The following C14orf132 variants were observed in gnomAD, a reference collection of about 807,000 sequenced individuals.
The protein encoded by C14orf132 is uncharacterized protein C14orf132.
Under a neutral mutation model 5.8 loss-of-function variants are expected in C14orf132, and 6 were observed. The observed-to-expected ratio is 1.03, with a 90% CI of 0.57 to 2.04. The LOEUF is 2.04. Ranked by LOEUF, C14orf132 falls within the 30% of genes most tolerant of loss-of-function variation. The pLI, the probability that C14orf132 is intolerant of heterozygous loss-of-function variation, is 0.00. For synonymous variants in C14orf132, 51 were observed against 49.8 expected, an observed-to-expected ratio of 1.02 and a Z score of -0.10; for missense variants, 125 against 115.8, an observed-to-expected ratio of 1.08 and a Z score of -0.37.
In C14orf132 at chr14:96,049,653, T is replaced by TATACGTATATATGTATATATATATAG. The variant is rs371381526; in HGVS notation, c.27+10127_27+10128insTACGTATATATGTATATATATATAGA. Among the ~76,000 whole-genome samples the TATACGTATATATGTATATATATATAG allele has an allele frequency of 2.4e-5, 2 of 82,282 alleles. 1 individual carries two copies. Among genetic ancestry groups the TATACGTATATATGTATATATATATAG allele is most frequent in the African/African-American group, 9.2e-5 (2 of 21,716 alleles). 54.0% of individuals were successfully genotyped at this position (82,282 alleles called of 152,430 possible). ...ATACATATATACGTATATATATATA[T>TATACGTATATATGTATATATATATAG]AGAGAGAGAGAGAGAGAGAGTTCTG... On this transcript the variant is annotated intron_variant, in intron 1 of 1. Transcript: ENST00000555004.
At chr14:96,075,570 A>G (rs1341073180) in intron 1 of C14orf132, among the ~76,000 whole-genome samples, 4 of 152,118 alleles carry the variant, frequency 2.6e-5, no homozygotes, top group African/African-American at 9.7e-5. Context: ...TTTGTTTTCT[A>G]GATGTTCTTT....
At chr14:96,051,620 T>C (rs1345108973) in intron 1 of C14orf132, among the ~76,000 whole-genome samples, 1 of 152,174 alleles carries the variant, frequency 6.6e-6, no homozygotes. Context: ...TAATGTGCTC[T>C]CCCAGGCACC....
chr14:96,051,529 G>C (rs927139466), intron 1 of C14orf132, among the ~76,000 whole-genome samples: 12 of 152,186 alleles, frequency 7.9e-5, no homozygotes, highest in African/African-American at 2.9e-4. Flanking sequence ...CATCTCCTCA[G>C]CATGAAGCTC....
chr14:96,073,006 T>C (rs913315882), intron 1 of C14orf132, among the ~76,000 whole-genome samples: 3 of 152,172 alleles, frequency 2.0e-5, no homozygotes, highest in African/African-American at 7.2e-5. Flanking sequence ...AGGAGTGGGA[T>C]TTCTGGGTCA....
chr14:96,067,027 C>T (rs1365693947), intron 1 of C14orf132, among the ~76,000 whole-genome samples: 1 of 152,168 alleles, frequency 6.6e-6, no homozygotes. Flanking sequence ...ACCTCTATCT[C>T]ATGCTGAGCT....
chr14:96,076,338 T>C (rs1380691179), intron 1 of C14orf132, among the ~76,000 whole-genome samples: 2 of 152,260 alleles, frequency 1.3e-5, no homozygotes, highest in African/African-American at 4.8e-5. Flanking sequence ...GCGAGAGGTT[T>C]ATCATTGTTA....
chr14:96,085,899 C>T (rs762533997), intron 1 of C14orf132, among the ~76,000 whole-genome samples: 1 of 151,900 alleles, frequency 6.6e-6, no homozygotes. Context: ...TTTTGATGGC[C>T]ATTTTGAAAC....
At chr14:96,070,063 T>G (rs185871157) in intron 1 of C14orf132, among the ~76,000 whole-genome samples, 11 of 152,326 alleles carry the variant, frequency 7.2e-5, no homozygotes, top group Non-Finnish European at 1.2e-4. Context: ...ACTTTTGTAC[T>G]AAGCCAGGTA....
chr14:96,085,709 C>G (rs2139684364), intron 1 of C14orf132, among the ~76,000 whole-genome samples: 1 of 152,110 alleles, frequency 6.6e-6, no homozygotes, highest in East Asian at 1.9e-4. Context: ...GGGAGTCTGC[C>G]CTAATAGATA....
intron 1 of C14orf132, among the ~76,000 whole-genome samples, chr14:96,070,166 G>A (rs1887662097): frequency 6.6e-6 from 1 of 152,170 alleles, no homozygotes; most frequent in Admixed American, 6.5e-5. Flanking sequence ...GACAAATGAG[G>A]GTTTTCCGCT....
chr14:96,076,727 G>A (rs1428279258), intron 1 of C14orf132, among the ~76,000 whole-genome samples: 1 of 152,212 alleles, frequency 6.6e-6, no homozygotes, highest in Non-Finnish European at 1.5e-5. Flanking sequence ...GGTTGGACAA[G>A]GTTGGTTTAG....
Position 96,086,643 on chromosome 14 carries a change from T to C in C14orf132, c.160T>C (p.Ser54Pro). 1 of 1,536,160 alleles carries C rather than the reference T, an allele frequency of 6.5e-7. No homozygotes were observed. The highest frequency in any genetic ancestry group is 1.2e-5 in the South Asian group (1 of 84,066). The change falls in exon 2 of 2, where the codon TCC becomes CCC. Residue 54 changes from serine to proline, a missense_variant. Ser to Pro is a moderately conservative substitution (Grantham distance 74). Transcript: ENST00000555004. Reference protein sequence around the residue: ...GQGQPEDPPRSSNDAVLLWIA... With the variant: ...GQGQPEDPPRPSNDAVLLWIA... ...GGGCCAGCCGGAAGATCCTCCTCGG[T>C]CCTCCAACGACGCCGTCTTGCTATG...
intron 1 of C14orf132, among the ~76,000 whole-genome samples, chr14:96,041,904 C>T (rs563125554): frequency 6.6e-5 from 10 of 152,250 alleles, no homozygotes; most frequent in African/African-American, 1.9e-4. Flanking sequence ...ATGATGGGCC[C>T]GGCTAAGACA....
rs1888310102 is a variant in C14orf132 at position 96,089,398 on chromosome 14, G to A, written c.*2663G>A. ...CAGAGGAGTGAAGTTGCCTTCCTGAGGTCACACAGCATGAAAGTGATGAGC... is the reference window on the plus strand; with the variant it reads ...CAGAGGAGTGAAGTTGCCTTCCTGAAGTCACACAGCATGAAAGTGATGAGC... On this transcript the variant is annotated 3_prime_UTR_variant, in exon 2 of 2. Transcript: ENST00000555004. 1.3e-5 allele frequency: 2 copies of A among 152,540 alleles called. No individual in the cohort carries two copies. The highest frequency in any genetic ancestry group is 4.8e-5 in the African/African-American group (2 of 41,452). 9.4% of individuals were successfully genotyped at this position (152,540 alleles called of 1,614,324 possible).
intron 1 of C14orf132, among the ~76,000 whole-genome samples, chr14:96,040,951 A>G (rs918363827): frequency 1.3e-5 from 2 of 152,188 alleles, no homozygotes; most frequent in Admixed American, 6.5e-5. Context: ...CATGGTTAAC[A>G]AGATAAACTG....
chr14:96,058,618 G>A (rs188104330), intron 1 of C14orf132, among the ~76,000 whole-genome samples: 1 of 152,296 alleles, frequency 6.6e-6, no homozygotes, highest in African/African-American at 2.4e-5. Context: ...GGCATGTTGG[G>A]AAGATTAAAA....
chr14:96,042,317 G>C (rs891070897), intron 1 of C14orf132, among the ~76,000 whole-genome samples: 1 of 152,218 alleles, frequency 6.6e-6, no homozygotes, highest in Non-Finnish European at 1.5e-5. Context: ...GGGGTGAGAA[G>C]TTTGCATCTA....
At chr14:96,071,937 G>A (rs1310315322) in intron 1 of C14orf132, among the ~76,000 whole-genome samples, 1 of 152,256 alleles carries the variant, frequency 6.6e-6, no homozygotes. Flanking sequence ...ATGCCTGGGA[G>A]AGCCATGTGA....
At chr14:96,058,849 G>T (rs577535785) in intron 1 of C14orf132, among the ~76,000 whole-genome samples, 1 of 152,256 alleles carries the variant, frequency 6.6e-6, no homozygotes, top group African/African-American at 2.4e-5. Context: ...CCTGTGCAGG[G>T]TAGCCACAGG....
Sources: gnomAD v4.1 joint callset for allele counts (sites outside exome capture counted in the v4.1 genomes callset) on GRCh38, gnomAD v4.1.1 for gene constraint, MANE v1.5 for transcripts, NCBI Gene and HGNC (gene_info 2026-07-23, HGNC 2026-07-21) for gene names.